The following CSMD1 variants were observed in gnomAD, a reference collection of about 807,000 sequenced individuals.
CSMD1 encodes the protein CUB and Sushi multiple domains 1.
A neutral mutation model predicts 417.5 loss-of-function variants in CSMD1; 213 were observed. That is an observed-to-expected ratio of 0.51 (90% CI 0.46 to 0.57). The LOEUF (loss-of-function observed/expected upper bound fraction) is 0.57, where lower values mean the gene tolerates loss of function less well. Among genes scored for constraint, CSMD1 ranks in the 20% least tolerant of loss-of-function variants. The pLI, the probability that CSMD1 is intolerant of heterozygous loss-of-function variation, is 0.00. For missense variants in CSMD1, 6,923 were observed against 4,529.7 expected (o/e 1.53, Z -15.17); for synonymous variants, 2,862 against 1,736.8 (o/e 1.65, Z -16.11).
chr8:4,467,906 T>C (rs568899437), intron 2 of CSMD1, among the ~76,000 whole-genome samples: 2 of 152,300 alleles, frequency 1.3e-5, no homozygotes, highest in Admixed American at 6.5e-5. Context: ...ACACTGGTTT[T>C]TGGGATCCAA....
At chr8:4,207,020 T>C (rs1800019234) in intron 3 of CSMD1, among the ~76,000 whole-genome samples, 1 of 152,192 alleles carries the variant, frequency 6.6e-6, no homozygotes, top group South Asian at 2.1e-4. Context: ...GATCACATAT[T>C]CCTCTTTAAA....
chr8:3,323,015 G>C (rs1806255519), intron 23 of CSMD1, among the ~76,000 whole-genome samples: 1 of 152,098 alleles, frequency 6.6e-6, no homozygotes, highest in Non-Finnish European at 1.5e-5. Context: ...CACAGTCATG[G>C]TTTATTCCTT....
At chr8:2,947,064 G>T (rs1802291905) in intron 68 of CSMD1, among the ~76,000 whole-genome samples, 1 of 152,216 alleles carries the variant, frequency 6.6e-6, no homozygotes, top group Admixed American at 6.5e-5. Context: ...TCTTATTTAG[G>T]TTATTTGCCT....
chr8:3,624,825 A>G (rs1424762600), intron 7 of CSMD1, among the ~76,000 whole-genome samples: 1 of 152,194 alleles, frequency 6.6e-6, no homozygotes, highest in Non-Finnish European at 1.5e-5. Flanking sequence ...ACTCAGTATT[A>G]TCTCATTGAA....
intron 12 of CSMD1, among the ~76,000 whole-genome samples, chr8:3,453,799 G>A (rs548427680): frequency 8.6e-4 from 131 of 152,316 alleles, no homozygotes; most frequent in African/African-American, 2.5e-3. Context: ...TTGATTTGGG[G>A]GGGATAGTTC....
At chr8:4,722,426 A>G (rs919548718) in intron 1 of CSMD1, among the ~76,000 whole-genome samples, 1 of 152,162 alleles carries the variant, frequency 6.6e-6, no homozygotes, top group Non-Finnish European at 1.5e-5. Context: ...GTGAAAAGTG[A>G]TGCCTTCTAA....
chr8:3,098,947 A>T (rs1815540653), intron 46 of CSMD1, among the ~76,000 whole-genome samples: 1 of 151,406 alleles, frequency 6.6e-6, no homozygotes. Context: ...AGGACTAGGG[A>T]TGATTACACC....
intron 2 of CSMD1, among the ~76,000 whole-genome samples, chr8:4,495,037 C>A (rs542847648): frequency 6.6e-6 from 1 of 152,156 alleles, no homozygotes; most frequent in East Asian, 1.9e-4. Context: ...TCACTTAGAA[C>A]GTGGCAGAAA....
intron 2 of CSMD1, among the ~76,000 whole-genome samples, chr8:4,465,557 A>G (rs188248238): frequency 6.6e-6 from 1 of 152,292 alleles, no homozygotes; most frequent in East Asian, 1.9e-4. Context: ...ATGGAAGTCA[A>G]GTAAAGCAAT....
chr8:4,132,279 G>T (rs948464795), intron 3 of CSMD1, among the ~76,000 whole-genome samples: 2 of 150,050 alleles, frequency 1.3e-5, no homozygotes, highest in African/African-American at 4.9e-5. Flanking sequence ...TTTATCCAAG[G>T]TGATGTTTAT....
intron 1 of CSMD1, among the ~76,000 whole-genome samples, chr8:4,732,432 T>C (rs1241354489): frequency 6.6e-6 from 1 of 151,290 alleles, no homozygotes; most frequent in Non-Finnish European, 1.5e-5. Flanking sequence ...ATCCAAGCAT[T>C]TATTCTCACT....
intron 8 of CSMD1, among the ~76,000 whole-genome samples, chr8:3,595,499 T>G (rs1801048795): frequency 6.6e-6 from 1 of 152,164 alleles, no homozygotes; most frequent in Non-Finnish European, 1.5e-5. Flanking sequence ...CTCTCTAGCC[T>G]GAGGAAAGAA....
intron 3 of CSMD1, among the ~76,000 whole-genome samples, chr8:4,300,599 A>G (rs943807837): frequency 2.6e-5 from 4 of 152,230 alleles, no homozygotes; most frequent in South Asian, 2.1e-4. Flanking sequence ...TTTGTTTCAT[A>G]TGTATACATG....
At chr8:4,016,109 G>A (rs796958279) in intron 4 of CSMD1, among the ~76,000 whole-genome samples, 2 of 152,208 alleles carry the variant, frequency 1.3e-5, no homozygotes, top group African/African-American at 2.4e-5. Flanking sequence ...ATTTTGGGAT[G>A]GGATCATATA....
At chr8:3,422,163 G>C (rs1299533295) in intron 12 of CSMD1, among the ~76,000 whole-genome samples, 2 of 152,104 alleles carry the variant, frequency 1.3e-5, no homozygotes, top group Non-Finnish European at 2.9e-5. Flanking sequence ...TCATTCCTTT[G>C]AAACTTAGTT....
At chr8:3,737,182 C>G (rs1475966136) in intron 6 of CSMD1, among the ~76,000 whole-genome samples, 1 of 152,142 alleles carries the variant, frequency 6.6e-6, no homozygotes, top group African/African-American at 2.4e-5. Context: ...ATTTCCTACC[C>G]TAATCACAAA....
chr8:4,850,830 C>T (rs957850769), intron 1 of CSMD1, among the ~76,000 whole-genome samples: 2 of 152,100 alleles, frequency 1.3e-5, no homozygotes, highest in East Asian at 3.9e-4. Context: ...CCAGTGGCAT[C>T]CTTTTGCTGA....
intron 23 of CSMD1, among the ~76,000 whole-genome samples, chr8:3,318,495 G>C (rs543094878): frequency 9.2e-5 from 14 of 152,118 alleles, no homozygotes; most frequent in Non-Finnish European, 1.9e-4. Flanking sequence ...GTAGATAAAA[G>C]ATAACATATA....
intron 41 of CSMD1, chr8:3,128,114 C>A (rs1019566948): frequency 3.9e-5 from 6 of 152,100 alleles, no homozygotes; most frequent in Non-Finnish European, 8.8e-5. Flanking sequence ...CAAGGCAATA[C>A]CAACAAAAGT....
Sources: allele counts gnomAD v4.1 joint callset (sites outside exome capture counted in the v4.1 genomes callset), GRCh38; gene constraint gnomAD v4.1.1; transcripts MANE v1.5; gene names NCBI Gene and HGNC (gene_info 2026-07-23, HGNC 2026-07-21).